Variants in PON3 observed in about 807,000 individuals in gnomAD.
PON3 encodes serum paraoxonase/lactonase 3.
Under a neutral mutation model 36.3 loss-of-function variants are expected in PON3, and 37 were observed. The ratio of observed to expected loss-of-function variants is 1.02; its 90% CI spans 0.78 to 1.34. PON3 has a LOEUF of 1.34. Among genes scored for constraint, PON3 ranks in the 40% most tolerant of loss-of-function variants. The pLI is 0.00. For missense variants in PON3, 415 were observed against 426.5 expected (o/e 0.97, Z 0.24); for synonymous variants, 155 against 154.8 (o/e 1.00, Z -0.01).
intron 3 of PON3, among the ~76,000 whole-genome samples, chr7:95,373,535 C>T (rs1036438637): frequency 6.6e-6 from 1 of 152,152 alleles, no homozygotes; most frequent in African/African-American, 2.4e-5. Context: ...AAGGGATTGG[C>T]ATGTCCCTAG....
At chr7:95,364,234 C>A in intron 5 of PON3, 171 bp from the exon 6 acceptor site, 1 of 624,982 alleles carries the variant, frequency 1.6e-6, no homozygotes, top group South Asian at 1.9e-5. Context: ...CTGCATTGCC[C>A]TGATGGGTTT....
At position 95,394,661 on chromosome 7, in the gene PON3, T is replaced by C. The variant is rs1284932732; in HGVS notation, c.128A>G (p.His43Arg). Residue 43 changes from histidine (H) to arginine (R), a missense_variant, in exon 2 of 9, where the codon CAC becomes CGC. Transcript: ENST00000265627. ...ATACATACCAAGTTCCTCAATAAGG[T>C]GGCAGTTTTCAGGTTCTACTGGCTC... is the stretch of plus-strand genomic sequence containing the variant. ...EVEPVEPENC[H>R]LIEELESGSE... 1.2e-6 allele frequency: 2 copies of C among 1,613,996 alleles called. No individual in the cohort carries two copies. Among genetic ancestry groups the C allele is most frequent in the Non-Finnish European group, 1.7e-6 (2 of 1,179,940 alleles).
At chr7:95,383,073 G>A (rs1476145044) in intron 3 of PON3, among the ~76,000 whole-genome samples, 1 of 151,816 alleles carries the variant, frequency 6.6e-6, no homozygotes, top group Non-Finnish European at 1.5e-5. Flanking sequence ...AATGTAATTC[G>A]GCATATAAAC....
At chr7:95,375,350 ACT>A (rs1808894172) in intron 3 of PON3, among the ~76,000 whole-genome samples, 1 of 150,004 alleles carries the variant, frequency 6.7e-6, no homozygotes, top group Non-Finnish European at 1.5e-5. Context: ...ATATATACAC[ACT>A]CACATATGTT....
At chr7:95,381,141 C>G (rs975397598) in intron 3 of PON3, among the ~76,000 whole-genome samples, 20 of 152,174 alleles carry the variant, frequency 1.3e-4, no homozygotes, top group African/African-American at 4.6e-4. Flanking sequence ...CCTTTACAGA[C>G]AAGCAAATGC....
intron 8 of PON3, 136 bp from the exon 9 acceptor site, chr7:95,360,267 C>T: frequency 2.2e-6 from 2 of 894,362 alleles, no homozygotes; most frequent in Non-Finnish European, 3.6e-6. Flanking sequence ...ATAAATTGTT[C>T]TTCTTCTGAT....
chr7:95,363,261 T>C (rs1167983150), intron 6 of PON3, among the ~76,000 whole-genome samples: 8 of 152,290 alleles, frequency 5.3e-5, no homozygotes, highest in Non-Finnish European at 1.5e-5. Context: ...AGGTGTTTTC[T>C]ACAGGGATCA....
At chr7:95,396,237 A>T in intron 1 of PON3, 40 bp downstream of exon 1, 1 of 1,604,182 alleles carries the variant, frequency 6.2e-7, no homozygotes, top group Non-Finnish European at 8.5e-7. Flanking sequence ...GGAAGAGGAG[A>T]GAAAGAGAGT....
At position 95,360,625 on chromosome 7, in the gene PON3, AATTTC is replaced by A. The variant is rs370970826; in HGVS notation, c.907-499_907-495del. Among the ~76,000 whole-genome samples the A allele has an allele frequency of 5.1e-4, 78 of 152,308 alleles. No homozygotes were observed. In the East Asian group the frequency reaches 0.012, roughly 23 times the overall value. On this transcript the variant is annotated intron_variant, in intron 8 of 8. Coordinates refer to ENST00000265627, the MANE Select transcript of PON3 (RefSeq NM_000940.3). Reference sequence around the variant, plus strand: ...GCATAAATAATGGATACTACTTTGGAATTTCATTTGACACATCACTGCCTAGTACT... The same window carrying A: ...GCATAAATAATGGATACTACTTTGGAATTTGACACATCACTGCCTAGTACT...
Position 95,363,894 on chromosome 7 carries a change from C to T in PON3, c.664G>A (p.Ala222Thr), listed in dbSNP as rs1808633967. ...TCTGCTGAGACTGTGATCCCATTGG[C>T]ACTACAAAATCCTTTGGCCACCACT... is the stretch of plus-strand genomic sequence containing the variant. ...VKVVAKGFCS[A>T]NGITVSADQK... The change falls in exon 6 of 9, where the codon GCC becomes ACC. Residue 222 changes from alanine (A) to threonine (T), a missense_variant. Ala to Thr is a moderately conservative substitution (Grantham distance 58). Coordinates refer to ENST00000265627, the MANE Select transcript of PON3 (RefSeq NM_000940.3). 2 of 1,613,540 alleles carry T rather than the reference C, an allele frequency of 1.2e-6. No homozygotes were observed. The highest frequency in any genetic ancestry group is 8.5e-7 in the Non-Finnish European group (1 of 1,179,626).
At chr7:95,362,961 T>TA (rs1482055289) in intron 6 of PON3, 120 bp from the exon 7 acceptor site, 6 of 719,300 alleles carry the variant, frequency 8.3e-6, no homozygotes, top group Non-Finnish European at 1.5e-5. Context: ...AATCCTTTTC[T>TA]AAACCACAGT....
At chr7:95,396,175 G>A in intron 1 of PON3, 102 bp downstream of exon 1, 1 of 1,276,820 alleles carries the variant, frequency 7.8e-7, no homozygotes, top group Non-Finnish European at 1.1e-6. Context: ...TTCCAAAGCT[G>A]CTCTTTCCTA....
At chr7:95,392,031 C>T (rs1455154058) in intron 2 of PON3, among the ~76,000 whole-genome samples, 1 of 152,198 alleles carries the variant, frequency 6.6e-6, no homozygotes, top group Non-Finnish European at 1.5e-5. Flanking sequence ...TTCTGTATGT[C>T]AATTTCCTAA....
chr7:95,368,022 A>G (rs928235261), intron 4 of PON3, among the ~76,000 whole-genome samples: 3 of 152,200 alleles, frequency 2.0e-5, no homozygotes, highest in Non-Finnish European at 1.5e-5. Context: ...AGTGAGCTCA[A>G]TGGACATGGC....
rs1303171427 is a variant in PON3 at position 95,367,234 on chromosome 7, G to A, written c.494+128C>T. 2.2e-5 allele frequency: 26 copies of A among 1,197,380 alleles called. No individual in the cohort carries two copies. The Admixed American group carries it at 5.5e-4, about 25-fold the overall frequency. The allele number at this position is 1,197,380 out of a possible 1,614,324, so 74.2% of individuals were successfully genotyped here. A position where few individuals can be genotyped will look rare whatever the true frequency, so the allele number is the denominator to read the frequency against. On this transcript the variant is annotated intron_variant, in intron 5 of 8. Coordinates refer to ENST00000265627, the MANE Select transcript of PON3 (RefSeq NM_000940.3). ...GGAAGAGTCACCATGGGAATCATTA[G>A]AAAGCTTTAGAAAAAAATCAAAACA...
Position 95,367,681 on chromosome 7 carries a change from C to T in PON3, c.368-193G>A, listed in dbSNP as rs972405530. Among the ~76,000 whole-genome samples, 4 of 152,132 alleles carry T rather than the reference C, an allele frequency of 2.6e-5. No homozygotes were observed. The South Asian group carries it at 8.3e-4, about 32-fold the overall frequency. ...GTTGAGGAAATTGAAGCTCAGGAGG[C>T]GAATGATCCATCAGCAATTTCATCA... On this transcript the variant is annotated intron_variant, in intron 4 of 8. Coordinates refer to ENST00000265627, the MANE Select transcript of PON3 (RefSeq NM_000940.3).
At chr7:95,390,079 C>T (rs1265523888) in intron 3 of PON3, 75 bp downstream of exon 3, 23 of 1,420,060 alleles carry the variant, frequency 1.6e-5, no homozygotes, top group Non-Finnish European at 3.0e-6. Flanking sequence ...CATCTGGCAG[C>T]TCCAGAGGAC....
chr7:95,370,557 G>C (rs1415688353), intron 4 of PON3, among the ~76,000 whole-genome samples: 1 of 152,138 alleles, frequency 6.6e-6, no homozygotes, highest in Non-Finnish European at 1.5e-5. Flanking sequence ...AGCTTGCTAA[G>C]CAAATAAAAG....
rs1562780208 is a variant in PON3, at chr7:95,396,356, C to T, written c.-6G>A. 3.1e-6 allele frequency: 5 copies of T among 1,613,526 alleles called. No homozygotes were observed. The South Asian group carries it at 4.4e-5, about 14-fold the overall frequency. The stretch of plus-strand genomic sequence containing the variant: ...AGCGCCACGAGCTTCCCCATGGTCT[C>T]GGGGTGCCCAGCGGCGACTGCGCGG... On this transcript the variant is annotated 5_prime_UTR_variant, in exon 1 of 9. Transcript: ENST00000265627.
Sources: gnomAD v4.1 joint callset for allele counts (sites outside exome capture counted in the v4.1 genomes callset) on GRCh38, gnomAD v4.1.1 for gene constraint, MANE v1.5 for transcripts, NCBI Gene and HGNC (gene_info 2026-07-23, HGNC 2026-07-21) for gene names.